HDLBP: variants seen among roughly 807,000 people sequenced by gnomAD.
HDLBP encodes the protein vigilin.
Under a neutral mutation model 137.3 loss-of-function variants are expected in HDLBP, and 30 were observed. The observed-to-expected ratio is 0.22, with a 90% confidence interval of 0.16 to 0.30. HDLBP has a LOEUF of 0.30. HDLBP is among the 10% of genes least tolerant of loss of function. HDLBP has a pLI of 1.00. For synonymous variants in HDLBP, 606 were observed against 596.0 expected (o/e 1.02, Z -0.24); for missense variants, 1,119 against 1,667.3 (o/e 0.67, Z 5.73).
intron 1 of HDLBP, among the ~76,000 whole-genome samples, chr2:241,289,492 A>G (rs2074939042): frequency 1.3e-5 from 2 of 152,256 alleles, no homozygotes; most frequent in Admixed American, 1.3e-4. Context: ...CCTCTATGCA[A>G]AGTTAGACAA....
At chr2:241,311,700 T>C (rs2075762590) in intron 1 of HDLBP, among the ~76,000 whole-genome samples, 1 of 152,162 alleles carries the variant, frequency 6.6e-6, no homozygotes, top group Non-Finnish European at 1.5e-5. Flanking sequence ...AAATAAGACT[T>C]GTAATAACCC....
At chr2:241,248,390 G>A (rs376592678) in intron 12 of HDLBP, 42 bp from the exon 13 acceptor site, 236 of 1,471,896 alleles carry the variant, frequency 1.6e-4, no homozygotes, top group Non-Finnish European at 2.1e-4. Context: ...TCACAAGCAC[G>A]GCGAGCAACT....
At chr2:241,273,816 T>C (rs1473975996) in intron 1 of HDLBP, 5 of 203,182 alleles carry the variant, frequency 2.5e-5, no homozygotes, top group Non-Finnish European at 4.2e-5. Context: ...GGGAGCTGGG[T>C]GGGGGCTGCA....
chr2:241,307,383 A>G (rs1246757953), intron 1 of HDLBP, among the ~76,000 whole-genome samples: 3 of 152,250 alleles, frequency 2.0e-5, no homozygotes, highest in Non-Finnish European at 4.4e-5. Flanking sequence ...CTGCGGTCAT[A>G]GCACTGGGGT....
At chr2:241,267,654 C>T in intron 2 of HDLBP, 1 of 1,535,710 alleles carries the variant, frequency 6.5e-7, no homozygotes, top group Non-Finnish European at 8.7e-7. Flanking sequence ...TGCATCCAGG[C>T]CCCAAACTAA....
intron 5 of HDLBP, 111 bp downstream of exon 5, chr2:241,262,600 G>T: frequency 1.3e-6 from 1 of 756,208 alleles, no homozygotes; most frequent in Non-Finnish European, 2.3e-6. Context: ...TCCAAAAGAC[G>T]GAACTGTCCC....
intron 1 of HDLBP, among the ~76,000 whole-genome samples, chr2:241,289,098 C>T (rs2074926997): frequency 6.6e-6 from 1 of 152,224 alleles, no homozygotes; most frequent in Non-Finnish European, 1.5e-5. Flanking sequence ...AAAGATTAAT[C>T]TTGGGCTCAG....
intron 1 of HDLBP, among the ~76,000 whole-genome samples, chr2:241,314,453 A>C (rs1266493209): frequency 6.6e-6 from 1 of 152,220 alleles, no homozygotes; most frequent in Non-Finnish European, 1.5e-5. Context: ...GCAGACACCA[A>C]ATAAATGTGA....
chr2:241,299,863 C>T lies in HDLBP; in HGVS notation c.-103+15707G>A, dbSNP rs139092929. ...CCAGGAGGCAGAGCTTGCAGTGAGC[C>T]GAGATCCCACCACTGCACTCCAGCC... On this transcript the variant is annotated intron_variant, in intron 1 of 27. Coordinates refer to ENST00000310931, the MANE Select transcript of HDLBP (RefSeq NM_005336.6). Among the ~76,000 whole-genome samples, 768 of 152,096 alleles carry T rather than the reference C, an allele frequency of 5.0e-3. 3 individuals carry two copies. Among genetic ancestry groups the T allele is most frequent in the Non-Finnish European group, 8.1e-3 (554 of 67,986 alleles).
chr2:241,301,683 G>C (rs373746150), intron 1 of HDLBP, among the ~76,000 whole-genome samples: 1 of 151,918 alleles, frequency 6.6e-6, no homozygotes, highest in East Asian at 1.9e-4. Context: ...CAAGCTACAA[G>C]ACACCAAGCA....
At chr2:241,254,085 G>T (rs188234203) in intron 9 of HDLBP, among the ~76,000 whole-genome samples, 2 of 152,186 alleles carry the variant, frequency 1.3e-5, no homozygotes, top group Admixed American at 6.5e-5. Context: ...ACGAGTTCGA[G>T]ATCAACCTGG....
chr2:241,314,153 C>A (rs941005758), intron 1 of HDLBP, among the ~76,000 whole-genome samples: 4 of 152,190 alleles, frequency 2.6e-5, no homozygotes, highest in Non-Finnish European at 5.9e-5. Context: ...AATTCTTACC[C>A]AAACACCTTT....
intron 1 of HDLBP, among the ~76,000 whole-genome samples, chr2:241,302,932 C>T (rs1049069369): frequency 7.2e-5 from 11 of 152,194 alleles, no homozygotes; most frequent in Non-Finnish European, 1.0e-4. Flanking sequence ...CTGCCTGGCC[C>T]GAGGTAAGAG....
In HDLBP at chr2:241,271,126, G is replaced by A. The variant is rs999211705; in HGVS notation, c.-102-2585C>T. On this transcript the variant is annotated intron_variant, in intron 1 of 27. Coordinates refer to ENST00000310931, the MANE Select transcript of HDLBP (RefSeq NM_005336.6). Reference sequence around the variant, plus strand: ...CCGCTCTCCTCCAAGGCTCCTTCTGGTAGGTGAGCCCTATCTCCTGTCTCC... The same window carrying A: ...CCGCTCTCCTCCAAGGCTCCTTCTGATAGGTGAGCCCTATCTCCTGTCTCC... 3 of 985,232 alleles carry A rather than the reference G, an allele frequency of 3.0e-6. No individual in the cohort carries two copies. The African/African-American group carries it at 5.2e-5, about 17-fold the overall frequency. The allele number at this position is 985,232 out of a possible 1,614,324, so 61.0% of individuals were successfully genotyped here. A position where few individuals can be genotyped will look rare whatever the true frequency, so the allele number is the denominator to read the frequency against.
chr2:241,295,272 A>T (rs574304784), intron 1 of HDLBP, among the ~76,000 whole-genome samples: 2 of 152,356 alleles, frequency 1.3e-5, no homozygotes, highest in South Asian at 2.1e-4. Context: ...CTAAAAAGCT[A>T]ATAGTATAGT....
At chr2:241,253,131 C>G (rs556992686) in intron 10 of HDLBP, 96 bp from the exon 11 acceptor site, 1 of 831,622 alleles carries the variant, frequency 1.2e-6, no homozygotes, top group South Asian at 1.5e-5. Context: ...CTTTTCTGAC[C>G]ACTCAGCTGT....
intron 20 of HDLBP, among the ~76,000 whole-genome samples, chr2:241,237,860 A>G (rs2149378953): frequency 6.6e-6 from 1 of 152,344 alleles, no homozygotes; most frequent in Non-Finnish European, 1.5e-5. Context: ...AGAGTGCAGT[A>G]TGAGTTTATT....
chr2:241,310,163 T>A (rs569518047), intron 1 of HDLBP, among the ~76,000 whole-genome samples: 1 of 151,942 alleles, frequency 6.6e-6, no homozygotes, highest in Non-Finnish European at 1.5e-5. Context: ...AGATACCACA[T>A]TCATGAAACA....
At chr2:241,235,367 A>G in intron 22 of HDLBP, 112 bp from the exon 23 acceptor site, 2 of 1,521,640 alleles carry the variant, frequency 1.3e-6, no homozygotes, top group Admixed American at 1.7e-5. Flanking sequence ...CGTGAAGGGA[A>G]GTCAGTGCCC....
Sources: gnomAD v4.1 joint callset for allele counts (sites outside exome capture counted in the v4.1 genomes callset) on GRCh38, gnomAD v4.1.1 for gene constraint, MANE v1.5 for transcripts, NCBI Gene and HGNC (gene_info 2026-07-23, HGNC 2026-07-21) for gene names.